PTHLH: variants seen among roughly 807,000 people sequenced by gnomAD.
PTHLH encodes the protein parathyroid hormone-related protein.
In PTHLH, 5 loss-of-function variants were observed where a neutral mutation model predicts 18.6. The ratio of observed to expected loss-of-function variants is 0.27; its 90% CI spans 0.14 to 0.56. The LOEUF is 0.56. PTHLH is among the 20% of genes least tolerant of loss of function. PTHLH has a pLI of 0.92. For synonymous variants in PTHLH, 90 were observed against 94.0 expected, an observed-to-expected ratio of 0.96 and a Z score of 0.25; for missense variants, 207 against 223.9, an observed-to-expected ratio of 0.92 and a Z score of 0.48.
intron 5 of PTHLH, among the ~76,000 whole-genome samples, chr12:27,960,573 C>G (rs1367868110): frequency 6.6e-6 from 1 of 151,672 alleles, no homozygotes; most frequent in Non-Finnish European, 1.5e-5. Context: ...CAAAAATTAG[C>G]CAGGCATGGT....
In PTHLH at chr12:27,963,481, C is replaced by T. The variant is rs2062779901; in HGVS notation, c.391G>A (p.Gly131Arg). The T allele has an allele frequency of 1.2e-6, 2 of 1,614,156 alleles. No individual in the cohort carries two copies. Among genetic ancestry groups the T allele is most frequent in the Non-Finnish European group, 1.7e-6 (2 of 1,180,042 alleles). ...TPGKKKKGKP[G>R]KRKEQEKKKR... ...TTCTTTTCCTGCTCCTTGCGTTTCC[C>T]GGGCTTGCCTTTCTTTTTCTTCCCA... The change falls in exon 5 of 6, where the codon GGG becomes AGG. Residue 131 changes from glycine to arginine, a missense_variant. Coordinates refer to ENST00000545234, the MANE Select transcript of PTHLH (RefSeq NM_198965.2).
chr12:27,961,286 C>T (rs1974748), intron 5 of PTHLH, among the ~76,000 whole-genome samples: 5,788 of 46,932 alleles, frequency 0.12, 318 homozygotes, highest in East Asian at 0.28. Context: ...CATATATATA[C>T]GTATATATAT....
chr12:27,972,137 A>AC (rs755816398), intron 1 of PTHLH, 118 bp from the exon 2 acceptor site: 1 of 152,018 alleles, frequency 6.6e-6, no homozygotes, highest in African/African-American at 2.4e-5. Context: ...AGTCCAAGGT[A>AC]CCTAGCCAAG....
chr12:27,967,243 T>G (rs1393489042), intron 4 of PTHLH, among the ~76,000 whole-genome samples: 1 of 152,214 alleles, frequency 6.6e-6, no homozygotes, highest in Non-Finnish European at 1.5e-5. Flanking sequence ...GTATCCAACT[T>G]GATCATGCTC....
Position 27,969,605 on chromosome 12 carries a change from A to G in PTHLH, c.-22-89T>C, listed in dbSNP as rs1006453844. 7.6e-6 allele frequency: 9 copies of G among 1,181,214 alleles called. No homozygotes were observed. In the African/African-American group the frequency reaches 1.2e-4, roughly 16 times the overall value. The allele number at this position is 1,181,214 out of a possible 1,614,324, so 73.2% of individuals were successfully genotyped here. ...GCTCCCCCTTTTTAGCCCGCTCTCA[A>G]AAAGCCTCTTCAACATCAAGGGCAT... On this transcript the variant is annotated intron_variant, in intron 3 of 5. Coordinates refer to ENST00000545234, the MANE Select transcript of PTHLH (RefSeq NM_198965.2).
chr12:27,960,709 C>G (rs1480540168), intron 5 of PTHLH, among the ~76,000 whole-genome samples: 1 of 125,950 alleles, frequency 7.9e-6, no homozygotes, highest in East Asian at 2.2e-4. Context: ...CAGAGCAAGA[C>G]TCTGTCTCAA....
chr12:27,969,431 A>AGGGCACCGCGTAGCTCAGCAG lies in PTHLH; in HGVS notation c.43_63dup (p.Leu15_Pro21dup). Reference sequence around the variant, plus strand: ...AGACCCTCCACCGAGCGCCCGCAGGAGGGCACCGCGTAGCTCAGCAGGAAC... The same window carrying AGGGCACCGCGTAGCTCAGCAG: ...AGACCCTCCACCGAGCGCCCGCAGGAGGGCACCGCGTAGCTCAGCAGGGGCACCGCGTAGCTCAGCAGGAAC... On this transcript the variant is annotated inframe_insertion, in exon 4 of 6. Transcript: ENST00000545234. 6.3e-7 allele frequency: 1 copy of AGGGCACCGCGTAGCTCAGCAG among 1,595,092 alleles called. No individual in the cohort carries two copies. The highest frequency in any genetic ancestry group is 8.5e-7 in the Non-Finnish European group (1 of 1,172,960).
chr12:27,958,344 A>T lies in PTHLH; in HGVS notation c.*215T>A, dbSNP rs947163307. Reference sequence around the variant, plus strand: ...AAATAAATACATCAATGGACAAAATAAATTATGGTAAATGTGATAATAATA... The same window carrying T: ...AAATAAATACATCAATGGACAAAATTAATTATGGTAAATGTGATAATAATA... On this transcript the variant is annotated 3_prime_UTR_variant, in exon 6 of 6. Coordinates refer to ENST00000545234, the MANE Select transcript of PTHLH (RefSeq NM_198965.2). The T allele has an allele frequency of 2.5e-6, 1 of 400,888 alleles. No homozygotes were observed. Among genetic ancestry groups the T allele is most frequent in the African/African-American group, 2.1e-5 (1 of 47,822 alleles). 24.8% of individuals were successfully genotyped at this position (400,888 alleles called of 1,614,324 possible).
chr12:27,963,515 G>A lies in PTHLH; in HGVS notation c.357C>T (p.Leu119=), dbSNP rs778318940. 38 of 1,613,998 alleles carry A rather than the reference G, an allele frequency of 2.4e-5. No individual in the cohort carries two copies. The highest frequency in any genetic ancestry group is 1.5e-4 in the Admixed American group (9 of 60,000). Residue 119 remains leucine (L), a synonymous_variant, in exon 5 of 6, where the codon CTC becomes CTT. Transcript: ENST00000545234. ...CTTTCTTTTTCTTCCCAGGTGTCTTGAGCGGCTGCTCTTTGTACGTCTCCA... is the reference window on the plus strand; with the variant it reads ...CTTTCTTTTTCTTCCCAGGTGTCTTAAGCGGCTGCTCTTTGTACGTCTCCA... The part of the protein sequence containing the change: ...NKVETYKEQP[L]KTPGKKKKGK...
chr12:27,971,487 G>C (rs2062871335), intron 2 of PTHLH, among the ~76,000 whole-genome samples: 1 of 152,094 alleles, frequency 6.6e-6, no homozygotes, highest in African/African-American at 2.4e-5. Flanking sequence ...TAGAAGGCTA[G>C]TGTGATTTAG....
At chr12:27,969,151 C>A in intron 4 of PTHLH, 1 of 545,884 alleles carries the variant, frequency 1.8e-6, no homozygotes, top group Non-Finnish European at 3.3e-6. Flanking sequence ...CTGTGAAACG[C>A]TCCCTCTTAT....
At chr12:27,959,376 A>T (rs761953647) in intron 5 of PTHLH, among the ~76,000 whole-genome samples, 13 of 152,250 alleles carry the variant, frequency 8.5e-5, no homozygotes, top group Non-Finnish European at 1.2e-4. Flanking sequence ...AGTATTTCAT[A>T]TCACCATGTC....
intron 5 of PTHLH, chr12:27,963,101 G>A (rs1341846366): frequency 3.6e-6 from 5 of 1,403,112 alleles, no homozygotes; most frequent in Non-Finnish European, 2.8e-6. Context: ...GATGTTGGGT[G>A]ACGGTGGAGA....
chr12:27,958,833 A>G (rs898462526), intron 5 of PTHLH, among the ~76,000 whole-genome samples: 9 of 152,234 alleles, frequency 5.9e-5, no homozygotes, highest in African/African-American at 2.2e-4. Context: ...TCATGCTGTC[A>G]GAAAAAGGAG....
In PTHLH at chr12:27,971,952, T is replaced by G. The variant is rs1192870209; in HGVS notation, c.-291A>C. The G allele has an allele frequency of 2.0e-5, 3 of 150,040 alleles. No homozygotes were observed. The highest frequency in any genetic ancestry group is 7.4e-5 in the African/African-American group (3 of 40,472). The allele number at this position is 150,040 out of a possible 1,614,324, so 9.3% of individuals were successfully genotyped here. ...CTTTGAACCTCGAACACTTTCTGATTTATAAAAAGAATCCTTCCAAAAAGA... is the reference window on the plus strand; with the variant it reads ...CTTTGAACCTCGAACACTTTCTGATGTATAAAAAGAATCCTTCCAAAAAGA... On this transcript the variant is annotated 5_prime_UTR_variant, in exon 2 of 6. Coordinates refer to ENST00000545234, the MANE Select transcript of PTHLH (RefSeq NM_198965.2).
Position 27,969,306 on chromosome 12 carries a change from C to T in PTHLH, c.101+88G>A, listed in dbSNP as rs575965386. The T allele has an allele frequency of 2.5e-5, 32 of 1,305,392 alleles. No homozygotes were observed. The African/African-American group carries it at 4.2e-4, about 17-fold the overall frequency. The allele number at this position is 1,305,392 out of a possible 1,614,324, so 80.9% of individuals were successfully genotyped here. Reference sequence around the variant, plus strand: ...AACCCGGGCAAGGAGCATCGGTGACCGCTGCAAGCCCTCGGCAGCATCCCA... The same window carrying T: ...AACCCGGGCAAGGAGCATCGGTGACTGCTGCAAGCCCTCGGCAGCATCCCA... On this transcript the variant is annotated intron_variant, in intron 4 of 5. Transcript: ENST00000545234.
chr12:27,960,524 C>T (rs2062744162), intron 5 of PTHLH, among the ~76,000 whole-genome samples: 1 of 151,932 alleles, frequency 6.6e-6, no homozygotes, highest in African/African-American at 2.4e-5. Flanking sequence ...TCGAGACCAG[C>T]CTGGCCAACA....
chr12:27,961,301 GTATATA>G (rs56920245), intron 5 of PTHLH, among the ~76,000 whole-genome samples: 9 of 84,534 alleles, frequency 1.1e-4, no homozygotes, highest in South Asian at 4.1e-4. Flanking sequence ...ATATATATAC[GTATATA>G]TATATATATA....
At chr12:27,970,395 GCC>G (rs2062859876) in intron 2 of PTHLH, 128 bp from the exon 3 acceptor site, 1 of 148,058 alleles carries the variant, frequency 6.8e-6, no homozygotes, top group Non-Finnish European at 1.5e-5. Flanking sequence ...GCCCGAACGG[GCC>G]CCGCGCCGCC....
Sources: gnomAD v4.1 joint callset for allele counts (sites outside exome capture counted in the v4.1 genomes callset) on GRCh38, gnomAD v4.1.1 for gene constraint, MANE v1.5 for transcripts, NCBI Gene and HGNC (gene_info 2026-07-23, HGNC 2026-07-21) for gene names.